Variants in GPHN observed in about 807,000 individuals in gnomAD.
GPHN encodes the protein gephyrin.
GPHN carries 17 observed loss-of-function variants against 95.5 expected under a neutral mutation model. The ratio of observed to expected loss-of-function variants is 0.18; its 90% CI spans 0.12 to 0.27. The LOEUF (loss-of-function observed/expected upper bound fraction) is 0.27. Ranked by LOEUF, GPHN falls within the 10% of genes least tolerant of loss-of-function variation. GPHN has a pLI of 1.00. For missense variants in GPHN, 660 were observed against 978.1 expected (o/e 0.67, Z 4.34); for synonymous variants, 320 against 322.5 (o/e 0.99, Z 0.08).
the GPHN span, among the ~76,000 whole-genome samples, chr14:67,535,150 C>T: frequency 6.6e-6 from 1 of 152,272 alleles, no homozygotes; most frequent in South Asian, 2.1e-4. Flanking sequence ...GTGAATGCCA[C>T]ATACATATGA....
intron 14 of GPHN, among the ~76,000 whole-genome samples, chr14:67,111,610 A>G (rs2153686083): frequency 6.6e-6 from 1 of 152,298 alleles, no homozygotes; most frequent in South Asian, 2.1e-4. Flanking sequence ...AAGATTTAAT[A>G]TTTGAATTGG....
At chr14:66,530,174 T>C (rs1054247531) in intron 1 of GPHN, among the ~76,000 whole-genome samples, 1 of 152,156 alleles carries the variant, frequency 6.6e-6, no homozygotes, top group African/African-American at 2.4e-5. Context: ...AGAGGCAGTC[T>C]GGCTACAGCG....
the GPHN span, among the ~76,000 whole-genome samples, chr14:67,256,629 C>G: frequency 6.6e-6 from 1 of 152,044 alleles, no homozygotes; most frequent in Non-Finnish European, 1.5e-5. Flanking sequence ...CTCATTGCAA[C>G]CTTAGCCTCC....
At chr14:67,334,627 AGT>A in the GPHN span, 50 of 152,260 alleles carry the variant, frequency 3.3e-4, no homozygotes, top group African/African-American at 1.1e-3. Context: ...TTGGCTGGAG[AGT>A]GTTTTATGTG....
the GPHN span, chr14:67,582,256 A>G: frequency 8.7e-6 from 14 of 1,612,420 alleles, no homozygotes; most frequent in East Asian, 8.9e-5. The surrounding 1 kb of genome is among the most constrained non-coding windows in gnomAD (Gnocchi z 5.0). Flanking sequence ...GCCAGCTTAG[A>G]ATGAATGCAC....
the GPHN span, among the ~76,000 whole-genome samples, chr14:67,655,110 T>C: frequency 5.0e-5 from 7 of 139,520 alleles, no homozygotes; most frequent in African/African-American, 1.9e-4. Context: ...GAGGCCAAGG[T>C]GGAATGATTG....
At chr14:66,669,557 T>C (rs2066179642) in intron 1 of GPHN, among the ~76,000 whole-genome samples, 1 of 152,124 alleles carries the variant, frequency 6.6e-6, no homozygotes, top group African/African-American at 2.4e-5. Context: ...TCAGATGATA[T>C]TAACTTTAGT....
At chr14:66,761,869 C>T (rs1435357124) in intron 2 of GPHN, among the ~76,000 whole-genome samples, 3 of 152,016 alleles carry the variant, frequency 2.0e-5, no homozygotes, top group Non-Finnish European at 2.9e-5. Flanking sequence ...ACCGTGTTAG[C>T]CAGGATGGTC....
At chr14:67,692,464 C>T in the GPHN span, 18 of 1,614,008 alleles carry the variant, frequency 1.1e-5, no homozygotes, top group East Asian at 2.2e-5. Context: ...AGCAAAAGCT[C>T]GAATAGACTT....
At chr14:66,861,463 C>T (rs1199564733) in intron 4 of GPHN, among the ~76,000 whole-genome samples, 1 of 152,016 alleles carries the variant, frequency 6.6e-6, no homozygotes, top group Admixed American at 6.6e-5. Flanking sequence ...AACAAGGAAA[C>T]ATCAGACTTA....
intron 5 of GPHN, among the ~76,000 whole-genome samples, chr14:66,888,198 C>T (rs979085370): frequency 4.6e-5 from 7 of 152,038 alleles, no homozygotes; most frequent in Non-Finnish European, 8.8e-5. Context: ...ATATTTGAAA[C>T]AATGACCGAG....
chr14:66,953,746 G>A (rs1016533672), intron 8 of GPHN, among the ~76,000 whole-genome samples: 3 of 151,976 alleles, frequency 2.0e-5, no homozygotes, highest in Non-Finnish European at 4.4e-5. Context: ...TAGAAAGCAG[G>A]AATTAGCCTG....
At chr14:67,202,041 CAG>C in the GPHN span, among the ~76,000 whole-genome samples, 1 of 152,198 alleles carries the variant, frequency 6.6e-6, no homozygotes, top group Admixed American at 6.5e-5. Context: ...GTCTCTTCCT[CAG>C]GGGAGACTTC....
rs745983967 is a variant in GPHN, at chr14:66,922,756, C to T, written c.547C>T (p.Leu183Phe). 1 of 1,613,626 alleles carries T rather than the reference C, an allele frequency of 6.2e-7. No homozygotes were observed. Among genetic ancestry groups the T allele is most frequent in the Non-Finnish European group, 8.5e-7 (1 of 1,179,602 alleles). ...IVKVKEVHDE[L>F]EDLPSPPPPL... ...AAAAGTAAAGGAGGTGCATGATGAA[C>T]TTGAAGATTTGCCTTCCCCACCTCC... Residue 183 changes from leucine (L) to phenylalanine (F), a missense_variant, in exon 7 of 23, where the codon CTT becomes TTT. By Grantham distance (22) the Leu-to-Phe change is conservative. Coordinates refer to ENST00000478722, the MANE Select transcript of GPHN (RefSeq NM_020806.5).
At chr14:67,122,217 C>A (rs1452173019) in intron 16 of GPHN, 39 bp from the exon 17 acceptor site, 3 of 1,603,088 alleles carry the variant, frequency 1.9e-6, no homozygotes, top group Non-Finnish European at 2.6e-6. Context: ...GCAACATTAA[C>A]CTAATAGAAT....
chr14:67,199,341 A>C, the GPHN span: 44 of 1,613,996 alleles, frequency 2.7e-5, no homozygotes, highest in Non-Finnish European at 3.6e-5. Flanking sequence ...GCTCACAACA[A>C]AAACCTGGAT....
chr14:67,170,016 TG>T (rs2082507066), intron 21 of GPHN, among the ~76,000 whole-genome samples: 1 of 152,168 alleles, frequency 6.6e-6, no homozygotes, highest in African/African-American at 2.4e-5. Context: ...AGGCGGAGGT[TG>T]CAGTGAGCCG....
At chr14:67,246,091 T>C in the GPHN span, among the ~76,000 whole-genome samples, 1 of 151,936 alleles carries the variant, frequency 6.6e-6, no homozygotes, top group South Asian at 2.1e-4. Flanking sequence ...GACTCTTCAA[T>C]TGATCTATTT....
intron 1 of GPHN, among the ~76,000 whole-genome samples, chr14:66,614,266 G>A (rs2062904188): frequency 6.6e-6 from 1 of 152,026 alleles, no homozygotes; most frequent in African/African-American, 2.4e-5. Flanking sequence ...CCTTTTTGAG[G>A]TTAGATAGCT....
Sources: gnomAD v4.1 joint callset for allele counts (sites outside exome capture counted in the v4.1 genomes callset) on GRCh38, gnomAD v4.1.1 for gene constraint, Gnocchi (gnomAD v3.1) non-coding constraint, MANE v1.5 for transcripts, NCBI Gene and HGNC (gene_info 2026-07-23, HGNC 2026-07-21) for gene names.